CCSER1: variants seen among roughly 807,000 people sequenced by gnomAD.
The protein encoded by CCSER1 is serine-rich coiled-coil domain-containing protein 1.
CCSER1 carries 41 observed loss-of-function variants against 82.0 expected under a neutral mutation model. That is an observed-to-expected ratio of 0.50 (90% CI 0.39 to 0.65). CCSER1 has a LOEUF of 0.65. CCSER1 is among the 30% of genes least tolerant of loss of function. The probability of loss-of-function intolerance (pLI) is 0.00; values close to 1 mark genes in which losing one functional copy is unlikely to be tolerated. For synonymous variants in CCSER1, 414 were observed against 383.9 expected, an observed-to-expected ratio of 1.08 and a Z score of -0.92; for missense variants, 1,119 against 1,064.2, an observed-to-expected ratio of 1.05 and a Z score of -0.72.
chr4:90,493,557 C>G (rs1254831824), intron 5 of CCSER1, among the ~76,000 whole-genome samples: 1 of 152,174 alleles, frequency 6.6e-6, no homozygotes, highest in Non-Finnish European at 1.5e-5. Flanking sequence ...AGACTAACAG[C>G]TGATCTCTTG....
rs1743169816 is a variant in CCSER1 at position 90,723,953 on chromosome 4, C to T, written c.1972C>T (p.Pro658Ser). The T allele has an allele frequency of 1.3e-6, 2 of 1,583,540 alleles. No homozygotes were observed. Among genetic ancestry groups the T allele is most frequent in the East Asian group, 4.6e-5 (2 of 43,676 alleles). The change falls in exon 7 of 11, where the codon CCT (proline) becomes TCT (serine). Residue 658 changes from proline (P) to serine (S), a missense_variant. Coordinates refer to ENST00000509176, the MANE Select transcript of CCSER1 (RefSeq NM_001145065.2). ...MSPASSTTSL[P>S]VSPLTEEPVP... ...TCCAGCAAGCAGTACCACGTCACTTCCTGTTAGTCCTCTTACTGAAGAGCC... is the reference window on the plus strand; with the variant it reads ...TCCAGCAAGCAGTACCACGTCACTTTCTGTTAGTCCTCTTACTGAAGAGCC...
chr4:90,660,946 A>G (rs1730653175), intron 6 of CCSER1, among the ~76,000 whole-genome samples: 1 of 121,128 alleles, frequency 8.3e-6, no homozygotes, highest in South Asian at 3.0e-4. Context: ...TTTTTATAAG[A>G]CACTTGGCAC....
At chr4:90,379,771 C>T (rs542809264) in intron 3 of CCSER1, among the ~76,000 whole-genome samples, 32 of 151,884 alleles carry the variant, frequency 2.1e-4, no homozygotes, top group Non-Finnish European at 2.5e-4. Flanking sequence ...AAGAAATATC[C>T]GAGACTGGGT....
At chr4:90,218,975 C>T (rs565680225) in intron 1 of CCSER1, among the ~76,000 whole-genome samples, 39 of 152,154 alleles carry the variant, frequency 2.6e-4, no homozygotes, top group African/African-American at 6.3e-4. Flanking sequence ...AGGCTTTTTA[C>T]GCCCTGTGAA....
chr4:91,137,156 C>A (rs1304194666), intron 10 of CCSER1, among the ~76,000 whole-genome samples: 1 of 112,386 alleles, frequency 8.9e-6, no homozygotes, highest in Non-Finnish European at 1.8e-5. Flanking sequence ...TGCTATCCCT[C>A]CCCCCTCCCC....
chr4:90,387,769 G>A (rs1281183458), intron 3 of CCSER1, among the ~76,000 whole-genome samples: 5 of 152,128 alleles, frequency 3.3e-5, no homozygotes, highest in African/African-American at 1.2e-4. Flanking sequence ...AATAGGTCCT[G>A]GGTACAACAG....
At chr4:90,421,566 A>C (rs572257686) in intron 4 of CCSER1, among the ~76,000 whole-genome samples, 2 of 152,356 alleles carry the variant, frequency 1.3e-5, no homozygotes, top group African/African-American at 4.8e-5. Flanking sequence ...AGTACAAGAT[A>C]GGATTTACTG....
chr4:90,978,621 T>C (rs999192288), intron 9 of CCSER1, among the ~76,000 whole-genome samples: 5 of 151,774 alleles, frequency 3.3e-5, no homozygotes, highest in Non-Finnish European at 7.4e-5. Context: ...TGAATAAAAA[T>C]GAATCAGAGT....
intron 9 of CCSER1, among the ~76,000 whole-genome samples, chr4:91,063,547 TTTCTTA>T (rs760504207): frequency 4.6e-5 from 7 of 152,168 alleles, no homozygotes; most frequent in East Asian, 1.9e-4. Flanking sequence ...TATGATTTAT[TTTCTTA>T]TTCTTAGGCA....
intron 9 of CCSER1, among the ~76,000 whole-genome samples, chr4:91,056,253 A>G (rs1034073647): frequency 2.6e-5 from 4 of 151,978 alleles, no homozygotes; most frequent in African/African-American, 7.3e-5. Context: ...GTTATATGCT[A>G]TCTTAGTCCA....
chr4:91,025,627 A>G (rs1740423302), intron 9 of CCSER1, among the ~76,000 whole-genome samples: 2 of 152,224 alleles, frequency 1.3e-5, no homozygotes, highest in South Asian at 4.1e-4. Context: ...AAACTTCTCT[A>G]ATCAGTAAGA....
chr4:90,592,344 G>A (rs11097255), intron 5 of CCSER1, among the ~76,000 whole-genome samples: 1 of 151,910 alleles, frequency 6.6e-6, no homozygotes, highest in Non-Finnish European at 1.5e-5. Flanking sequence ...CTGTAAGACG[G>A]CATTAGACTT....
intron 1 of CCSER1, among the ~76,000 whole-genome samples, chr4:90,299,053 G>A (rs1406735840): frequency 1.3e-5 from 2 of 150,564 alleles, no homozygotes; most frequent in Non-Finnish European, 3.0e-5. Context: ...TGAGTATCAA[G>A]ATTACGTATA....
intron 4 of CCSER1, among the ~76,000 whole-genome samples, chr4:90,413,870 A>G (rs1429277763): frequency 7.0e-6 from 1 of 142,264 alleles, no homozygotes; most frequent in Non-Finnish European, 1.5e-5. Context: ...AATGGCGTGA[A>G]CCCGGGAGGT....
rs191696756 is a variant in CCSER1 at position 91,464,022 on chromosome 4, C to T, written c.2218-134550C>T. Among the ~76,000 whole-genome samples, 946 of 152,034 alleles carry T rather than the reference C, an allele frequency of 6.2e-3. 9 individuals are homozygous for T. The highest frequency in any genetic ancestry group is 9.6e-3 in the Non-Finnish European group (652 of 67,996). On this transcript the variant is annotated intron_variant, in intron 10 of 10. Coordinates refer to ENST00000509176, the MANE Select transcript of CCSER1 (RefSeq NM_001145065.2). ...CAGAGAATGCCACAAAGATATTCCTCGAGAAGAGCAACTCCAAGACACATA... is the reference window on the plus strand; with the variant it reads ...CAGAGAATGCCACAAAGATATTCCTTGAGAAGAGCAACTCCAAGACACATA...
intron 4 of CCSER1, among the ~76,000 whole-genome samples, chr4:90,425,226 A>T (rs994047331): frequency 9.9e-5 from 15 of 152,124 alleles, no homozygotes; most frequent in Admixed American, 2.6e-4. Context: ...CATGATTAGT[A>T]TTTATTTCAT....
intron 10 of CCSER1, among the ~76,000 whole-genome samples, chr4:91,367,734 T>A (rs753013987): frequency 2.6e-5 from 4 of 152,206 alleles, no homozygotes; most frequent in Non-Finnish European, 5.9e-5. Flanking sequence ...GATTCTCATC[T>A]TCTGGTTCTT....
At chr4:91,429,498 A>T (rs2149391568) in intron 10 of CCSER1, among the ~76,000 whole-genome samples, 1 of 152,084 alleles carries the variant, frequency 6.6e-6, no homozygotes, top group African/African-American at 2.4e-5. Flanking sequence ...TTTATTATTT[A>T]TTCACCTAAA....
chr4:90,476,550 T>G (rs1023237181), intron 5 of CCSER1, among the ~76,000 whole-genome samples: 1 of 152,210 alleles, frequency 6.6e-6, no homozygotes, highest in Non-Finnish European at 1.5e-5. Context: ...CTTCTGTATT[T>G]TTTTTTATCA....
Sources: gnomAD v4.1 joint callset for allele counts (sites outside exome capture counted in the v4.1 genomes callset) on GRCh38, gnomAD v4.1.1 for gene constraint, MANE v1.5 for transcripts, NCBI Gene and HGNC (gene_info 2026-07-23, HGNC 2026-07-21) for gene names.